SLC26A9: variants seen among roughly 807,000 people sequenced by gnomAD.
The protein encoded by SLC26A9 is anion transporter/exchanger protein 9.
A neutral mutation model predicts 87.1 loss-of-function variants in SLC26A9; 46 were observed. The ratio of observed to expected loss-of-function variants is 0.53; its 90% CI spans 0.42 to 0.67. SLC26A9 has a LOEUF of 0.67. Ranked by LOEUF, SLC26A9 falls within the 30% of genes least tolerant of loss-of-function variation. The pLI, the probability that SLC26A9 is intolerant of heterozygous loss-of-function variation, is 0.00. For synonymous variants in SLC26A9, 437 were observed against 409.1 expected (o/e 1.07, Z -0.82); for missense variants, 927 against 1,018.3 (o/e 0.91, Z 1.22).
rs1232294151 is a variant in SLC26A9, at chr1:205,935,747, T to C, written c.74A>G (p.Glu25Gly). ...CACTGGGTATGTCCGGTCCTTCTTC[T>C]CAAACTCATCGTCGAAGAGGGTAAG... ...YSLTLFDDEF[E>G]KKDRTYPVGE... Residue 25 changes from glutamate to glycine, a missense_variant, in exon 2 of 21, where the codon GAG becomes GGG. By Grantham distance (98) the Glu-to-Gly change is moderately conservative. Coordinates refer to ENST00000367135, the MANE Select transcript of SLC26A9 (RefSeq NM_052934.4). 6.2e-7 allele frequency: 1 copy of C among 1,614,082 alleles called. No homozygotes were observed. Among genetic ancestry groups the C allele is most frequent in the South Asian group, 1.1e-5 (1 of 91,076 alleles).
Position 205,921,911 on chromosome 1 carries a change from C to G in SLC26A9, c.1774-64G>C, listed in dbSNP as rs563182836. ...CAGACTGAGCCAGACCTTGCTGTGA[C>G]TGAAGCAGGGGCATGGAGGGTGTAG... On this transcript the variant is annotated intron_variant, in intron 16 of 20. Transcript: ENST00000367135. 6.7e-5 allele frequency: 104 copies of G among 1,545,542 alleles called. No individual in the cohort carries two copies. The African/African-American group carries it at 1.3e-3, about 19-fold the overall frequency.
chr1:205,932,475 C>T (rs572495068), intron 4 of SLC26A9, among the ~76,000 whole-genome samples: 48 of 152,228 alleles, frequency 3.2e-4, no homozygotes, highest in African/African-American at 1.1e-3. Context: ...CCTCTCATTC[C>T]TAGGAGGAAG....
intron 5 of SLC26A9, among the ~76,000 whole-genome samples, chr1:205,931,223 G>T (rs1002594631): frequency 5.9e-5 from 9 of 152,182 alleles, no homozygotes; most frequent in Admixed American, 5.9e-4. Flanking sequence ...GGAGAGGAGT[G>T]AGGGATGTTA....
At chr1:205,919,099 C>A (rs1026997583) in intron 18 of SLC26A9, 114 bp from the exon 19 acceptor site, 8 of 1,325,994 alleles carry the variant, frequency 6.0e-6, no homozygotes, top group South Asian at 1.3e-5. Flanking sequence ...GGTCCCAGCT[C>A]TTGCTGTATC....
In SLC26A9 at chr1:205,929,933, GT is replaced by G; in HGVS notation, c.675del (p.Leu226Ter). 6.2e-7 allele frequency: 1 copy of G among 1,613,338 alleles called. No individual in the cohort carries two copies. On this transcript the variant is annotated frameshift_variant, in exon 6 of 21. Coordinates refer to ENST00000367135, the MANE Select transcript of SLC26A9 (RefSeq NM_052934.4). LOFTEE classifies it high-confidence loss of function. Reference protein sequence around the residue: ...ILISVLKYIFGLTIPSYTGPG... With the variant: ...ILISVLKYIFXLTIPSYTGPG... The stretch of plus-strand genomic sequence containing the variant: ...GGGCCTGTGTAGGAGGGGATGGTCA[GT>G]CCGAAGATGTACTTGAGCACCGAAA...
In SLC26A9 at chr1:205,929,976, G is replaced by A. The variant is rs1447878527; in HGVS notation, c.633C>T (p.Ala211=). The A allele has an allele frequency of 8.7e-6, 14 of 1,613,774 alleles. No homozygotes were observed. The highest frequency in any genetic ancestry group is 5.0e-5 in the Admixed American group (3 of 60,006). The change falls in exon 6 of 21, where the codon GCC becomes GCT. Residue 211 remains alanine (A), a synonymous_variant. Coordinates refer to ENST00000367135, the MANE Select transcript of SLC26A9 (RefSeq NM_052934.4). ...ESFIRGFMTA[A]GLQILISVLK... ...GCACCGAAATCAGGATCTGCAGGCCGGCGGCCGTCATGAAGCCCCGGATGA... is the reference window on the plus strand; with the variant it reads ...GCACCGAAATCAGGATCTGCAGGCCAGCGGCCGTCATGAAGCCCCGGATGA...
intron 4 of SLC26A9, 47 bp from the exon 5 acceptor site, chr1:205,932,082 C>G (rs772098209): frequency 6.2e-7 from 1 of 1,600,732 alleles, no homozygotes; most frequent in Non-Finnish European, 8.5e-7. Context: ...TTGAACCACA[C>G]CGATGGAAAC....
At position 205,927,479 on chromosome 1, in the gene SLC26A9, G is replaced by A; in HGVS notation, c.1215+13C>T. ...TTACCACCTCCCCCCAACTCCCCTA[G>A]AACAAGGCTCACCTGGGATTTTCCT... is the stretch of plus-strand genomic sequence containing the variant. On this transcript the variant is annotated intron_variant, in intron 10 of 20. Transcript: ENST00000367135. 1 of 1,612,726 alleles carries A rather than the reference G, an allele frequency of 6.2e-7. No homozygotes were observed. The highest frequency in any genetic ancestry group is 8.5e-7 in the Non-Finnish European group (1 of 1,179,132).
chr1:205,921,447 G>T, intron 17 of SLC26A9, 119 bp downstream of exon 17: 1 of 1,286,810 alleles, frequency 7.8e-7, no homozygotes, highest in Non-Finnish European at 1.1e-6. Context: ...GGAGCTGTTA[G>T]TCTCCCCAGT....
At chr1:205,915,513 A>G in intron 20 of SLC26A9, 109 bp from the exon 21 acceptor site, 1 of 1,367,588 alleles carries the variant, frequency 7.3e-7, no homozygotes, top group Non-Finnish European at 1.0e-6. Flanking sequence ...GCCAGAACAA[A>G]GCACCTGTGT....
rs1158012096 is a variant in SLC26A9, at chr1:205,914,647, G to C, written c.*710C>G. On this transcript the variant is annotated 3_prime_UTR_variant, in exon 21 of 21. Transcript: ENST00000367135. ...GGAGGCTGAGGCAGAACCTTAGTGG[G>C]CTGTCCCCGGGGAGGTAGCTCTGGT... is the stretch of plus-strand genomic sequence containing the variant. 4.2e-6 allele frequency: 2 copies of C among 474,470 alleles called. No individual in the cohort carries two copies. Among genetic ancestry groups the C allele is most frequent in the East Asian group, 6.8e-5 (2 of 29,420 alleles). 29.4% of individuals were successfully genotyped at this position (474,470 alleles called of 1,614,324 possible). A position where few individuals can be genotyped will look rare whatever the true frequency, so the allele number is the denominator to read the frequency against.
Position 205,932,019 on chromosome 1 carries a change from G to A in SLC26A9, c.393C>T (p.Ile131=). The stretch of plus-strand genomic sequence containing the variant: ...GACAGATGTTACCCACCAGGATGCT[G>A]ATAACGGCAAAGGTACCTGTGGTGC... The part of the protein sequence containing the change: ...HQMVPGTFAV[I]SILVGNICLQ... The change falls in exon 5 of 21, where the codon ATC becomes ATT. Residue 131 remains isoleucine, a synonymous_variant. Transcript: ENST00000367135. 1 of 1,614,188 alleles carries A rather than the reference G, an allele frequency of 6.2e-7. No homozygotes were observed. Among genetic ancestry groups the A allele is most frequent in the Non-Finnish European group, 8.5e-7 (1 of 1,179,998 alleles).
At chr1:205,915,466 A>G in intron 20 of SLC26A9, 62 bp from the exon 21 acceptor site, 2 of 1,610,808 alleles carry the variant, frequency 1.2e-6, no homozygotes, top group South Asian at 2.2e-5. Context: ...TTGGGGTCAC[A>G]GTGGCTGCAA....
intron 6 of SLC26A9, among the ~76,000 whole-genome samples, chr1:205,929,594 A>G (rs963243959): frequency 5.3e-5 from 8 of 152,186 alleles, no homozygotes; most frequent in African/African-American, 1.7e-4. Context: ...TTTGGGCTGA[A>G]GGAGGAGGGA....
At chr1:205,936,862 G>A (rs758801887) in intron 1 of SLC26A9, among the ~76,000 whole-genome samples, 21 of 152,222 alleles carry the variant, frequency 1.4e-4, no homozygotes, top group Admixed American at 4.6e-4. Flanking sequence ...GAGAGCCTGG[G>A]TGACAGGGGA....
In SLC26A9 at chr1:205,918,932, C is replaced by T; in HGVS notation, c.2164G>A (p.Glu722Lys). The change falls in exon 19 of 21, where the codon GAA (glutamate) becomes AAA (lysine). Residue 722 changes from glutamate to lysine, a missense_variant. Physicochemically the swap from Glu to Lys is moderately conservative, Grantham distance 56. Transcript: ENST00000367135. The stretch of plus-strand genomic sequence containing the variant: ...ATGCTGGGAAAGACGTGCTTGCATT[C>T]TAGACTCCCATCCTCAAAGACGCCT... The part of the protein sequence containing the change: ...HGGVFEDGSL[E>K]CKHVFPSIHD... 1.2e-6 allele frequency: 2 copies of T among 1,614,210 alleles called. No homozygotes were observed. Among genetic ancestry groups the T allele is most frequent in the Non-Finnish European group, 1.7e-6 (2 of 1,180,042 alleles).
chr1:205,917,181 C>A, intron 20 of SLC26A9, 102 bp downstream of exon 20: 1 of 1,106,452 alleles, frequency 9.0e-7, no homozygotes, highest in Non-Finnish European at 1.4e-6. Flanking sequence ...CTGCTCTGGG[C>A]TGGAGGTGAG....
chr1:205,927,863 C>T (rs774864121), intron 9 of SLC26A9, 39 bp downstream of exon 9: 3 of 1,601,262 alleles, frequency 1.9e-6, no homozygotes, highest in Non-Finnish European at 2.6e-6. Context: ...CCTGAGTTGA[C>T]CTGTCCTGCC....
Position 205,935,870 on chromosome 1 carries a change from G to A in SLC26A9, c.-18-32C>T, listed in dbSNP as rs201823914. 353 of 1,591,054 alleles carry A rather than the reference G, an allele frequency of 2.2e-4. No individual in the cohort carries two copies. In the African/African-American group the frequency reaches 3.0e-3, roughly 14 times the overall value. ...GAGAAGCAGAGGAGGGGAGGGTGAG[G>A]GAACATCCCTCCCTAGTGCCAGCCC... On this transcript the variant is annotated intron_variant, in intron 1 of 20. Transcript: ENST00000367135.
Sources: allele counts gnomAD v4.1 joint callset (sites outside exome capture counted in the v4.1 genomes callset), GRCh38; gene constraint gnomAD v4.1.1; transcripts MANE v1.5; gene names NCBI Gene and HGNC (gene_info 2026-07-23, HGNC 2026-07-21).